The following CTTNBP2NL variants were observed in gnomAD, a reference collection of about 807,000 sequenced individuals.
The protein encoded by CTTNBP2NL is CTTNBP2 N-terminal-like protein.
A neutral mutation model predicts 32.5 loss-of-function variants in CTTNBP2NL; 16 were observed. That is an observed-to-expected ratio of 0.49 (90% CI 0.33 to 0.75). The LOEUF (loss-of-function observed/expected upper bound fraction) is 0.75. CTTNBP2NL is among the 30% of genes least tolerant of loss of function. The pLI is 0.02. For synonymous variants in CTTNBP2NL, 298 were observed against 289.4 expected (o/e 1.03, Z -0.30); for missense variants, 645 against 756.0 (o/e 0.85, Z 1.72).
chr1:112,458,743 G>A lies in CTTNBP2NL; in HGVS notation c.*1331G>A, dbSNP rs1650456002. 6.6e-6 allele frequency: 1 copy of A among 152,166 alleles called. No homozygotes were observed. Among genetic ancestry groups the A allele is most frequent in the African/African-American group, 2.4e-5 (1 of 41,424 alleles). The allele number at this position is 152,166 out of a possible 1,614,324, so 9.4% of individuals were successfully genotyped here. On this transcript the variant is annotated 3_prime_UTR_variant, in exon 6 of 6. Transcript: ENST00000271277. The stretch of plus-strand genomic sequence containing the variant: ...TCTTATCACTTTGGGAGGCTGAGAT[G>A]GGAGGATCTCTTGAGACCAGGTGTT...
At chr1:112,452,601 C>T (rs1349371638) in intron 4 of CTTNBP2NL, among the ~76,000 whole-genome samples, 1 of 149,218 alleles carries the variant, frequency 6.7e-6, no homozygotes, top group Non-Finnish European at 1.5e-5. Flanking sequence ...GCTTTGGCCT[C>T]CCAAAGTGCT....
At chr1:112,428,804 A>G (rs922888261) in intron 3 of CTTNBP2NL, among the ~76,000 whole-genome samples, 1 of 152,172 alleles carries the variant, frequency 6.6e-6, no homozygotes, top group Non-Finnish European at 1.5e-5. Context: ...AATGCTGATT[A>G]TGACCCCACT....
chr1:112,451,783 A>C (rs111434217), intron 4 of CTTNBP2NL, among the ~76,000 whole-genome samples: 8,749 of 131,548 alleles, frequency 0.067, 317 homozygotes, highest in Non-Finnish European at 0.091. Flanking sequence ...AAAAAAAAAA[A>C]ACACAAAACA....
chr1:112,400,440 C>T (rs775854679), intron 1 of CTTNBP2NL, among the ~76,000 whole-genome samples: 17 of 152,266 alleles, frequency 1.1e-4, no homozygotes, highest in Admixed American at 2.0e-4. Flanking sequence ...GCGGGTGGAT[C>T]GCTTGAGGCC....
chr1:112,396,039 G>C (rs1328831259), upstream of CTTNBP2NL: 2 of 152,254 alleles, frequency 1.3e-5, no homozygotes, highest in Non-Finnish European at 2.9e-5. Flanking sequence ...GCTCAATCCC[G>C]GCCTTGCTCT....
rs1476743183 is a variant in CTTNBP2NL, at chr1:112,460,331, CTG to C, written c.*2922_*2923del. On this transcript the variant is annotated 3_prime_UTR_variant, in exon 6 of 6. Coordinates refer to ENST00000271277, the MANE Select transcript of CTTNBP2NL (RefSeq NM_018704.3). ...GGGGTGGTGTAGAGGGAGCACTTGACTGTGGCTTTGACAAAACAAATGAAGTC... is the reference window on the plus strand; with the variant it reads ...GGGGTGGTGTAGAGGGAGCACTTGACTGGCTTTGACAAAACAAATGAAGTC... 1.3e-5 allele frequency: 2 copies of C among 152,152 alleles called. No homozygotes were observed. Among genetic ancestry groups the C allele is most frequent in the Non-Finnish European group, 2.9e-5 (2 of 68,024 alleles). The allele number at this position is 152,152 out of a possible 1,614,324, so 9.4% of individuals were successfully genotyped here.
chr1:112,454,885 G>A (rs1363153538), intron 5 of CTTNBP2NL, among the ~76,000 whole-genome samples: 2 of 152,166 alleles, frequency 1.3e-5, no homozygotes, highest in African/African-American at 4.8e-5. Flanking sequence ...GTAACTTAGC[G>A]CTTGTAGCTC....
chr1:112,395,789 C>T (rs998936036), upstream of CTTNBP2NL, among the ~76,000 whole-genome samples: 25 of 152,222 alleles, frequency 1.6e-4, no homozygotes, highest in African/African-American at 5.8e-4. Context: ...CATTCTAATG[C>T]AGACACCAAA....
intron 1 of CTTNBP2NL, among the ~76,000 whole-genome samples, chr1:112,410,112 GC>G (rs1008207802): frequency 2.4e-4 from 37 of 152,182 alleles, no homozygotes; most frequent in African/African-American, 8.7e-4. Context: ...ATAAGTGTAG[GC>G]CGGGCACGGA....
chr1:112,457,497 T>A lies in CTTNBP2NL; in HGVS notation c.*85T>A. 8.4e-7 allele frequency: 1 copy of A among 1,197,510 alleles called. No individual in the cohort carries two copies. The highest frequency in any genetic ancestry group is 1.2e-6 in the Non-Finnish European group (1 of 844,112). The allele number at this position is 1,197,510 out of a possible 1,614,324, so 74.2% of individuals were successfully genotyped here. ...AGACTTCTGAGTCAGATTATGTTAT[T>A]TATTTTGATAGTAGCTGAAACCATC... On this transcript the variant is annotated 3_prime_UTR_variant, in exon 6 of 6. Coordinates refer to ENST00000271277, the MANE Select transcript of CTTNBP2NL (RefSeq NM_018704.3).
At chr1:112,404,717 C>T (rs1039546459) in intron 1 of CTTNBP2NL, among the ~76,000 whole-genome samples, 1 of 152,174 alleles carries the variant, frequency 6.6e-6, no homozygotes, top group Non-Finnish European at 1.5e-5. Context: ...AATCATGTTA[C>T]AATTTCATTT....
At chr1:112,406,341 A>G (rs72983841) in intron 1 of CTTNBP2NL, among the ~76,000 whole-genome samples, 7 of 152,190 alleles carry the variant, frequency 4.6e-5, no homozygotes, top group Admixed American at 2.6e-4. Context: ...AGGTTTTTCC[A>G]CCATACAATT....
At chr1:112,444,220 A>T (rs1000725111) in intron 3 of CTTNBP2NL, among the ~76,000 whole-genome samples, 3 of 152,198 alleles carry the variant, frequency 2.0e-5, no homozygotes, top group African/African-American at 7.2e-5. Flanking sequence ...ATTCTTCACC[A>T]TTGGATTTTG....
chr1:112,445,257 CTG>C (rs1346499515), intron 3 of CTTNBP2NL, among the ~76,000 whole-genome samples: 7 of 152,126 alleles, frequency 4.6e-5, no homozygotes, highest in African/African-American at 1.4e-4. Context: ...CCCTCCAAAA[CTG>C]TGAGATTTTT....
intron 4 of CTTNBP2NL, among the ~76,000 whole-genome samples, chr1:112,451,376 A>AATAG (rs1650214403): frequency 6.9e-6 from 1 of 145,034 alleles, no homozygotes; most frequent in South Asian, 2.2e-4. Context: ...TATTTCTTGA[A>AATAG]TGTGACAGGC....
At chr1:112,413,518 C>T (rs1447134872) in intron 2 of CTTNBP2NL, among the ~76,000 whole-genome samples, 1 of 152,104 alleles carries the variant, frequency 6.6e-6, no homozygotes, top group African/African-American at 2.4e-5. Flanking sequence ...GATTAGAAAA[C>T]GGAGTCAGAT....
chr1:112,450,093 A>G (rs1650172722), intron 4 of CTTNBP2NL, among the ~76,000 whole-genome samples: 1 of 152,246 alleles, frequency 6.6e-6, no homozygotes, highest in Admixed American at 6.5e-5. Context: ...TTCATCTGAA[A>G]AATAGGGTTA....
At chr1:112,450,367 G>A (rs916219560) in intron 4 of CTTNBP2NL, among the ~76,000 whole-genome samples, 1 of 152,154 alleles carries the variant, frequency 6.6e-6, no homozygotes, top group African/African-American at 2.4e-5. Context: ...GCTTTAATCA[G>A]ATTCTCCAAG....
intron 3 of CTTNBP2NL, among the ~76,000 whole-genome samples, chr1:112,442,610 A>G (rs1649926480): frequency 6.6e-6 from 1 of 152,138 alleles, no homozygotes; most frequent in Non-Finnish European, 1.5e-5. Flanking sequence ...ATCTCAACAC[A>G]TTTGATTTCA....
Sources: allele counts gnomAD v4.1 joint callset (sites outside exome capture counted in the v4.1 genomes callset), GRCh38; gene constraint gnomAD v4.1.1; transcripts MANE v1.5; gene names NCBI Gene and HGNC (gene_info 2026-07-23, HGNC 2026-07-21).